Variants in COMMD10 observed in about 807,000 individuals in gnomAD.
COMMD10 encodes the protein COMM domain-containing protein 10.
A neutral mutation model predicts 28.9 loss-of-function variants in COMMD10; 33 were observed. The ratio of observed to expected loss-of-function variants is 1.14; its 90% CI spans 0.87 to 1.53. The LOEUF (loss-of-function observed/expected upper bound fraction) is 1.53, where lower values mean the gene tolerates loss of function less well. COMMD10 is among the 40% of genes most tolerant of loss of function. The pLI is 0.00. For synonymous variants in COMMD10, 110 were observed against 81.7 expected (o/e 1.35, Z -1.87); for missense variants, 310 against 233.4 (o/e 1.33, Z -2.14).
chr5:116,119,143 C>G (rs954312765), intron 4 of COMMD10, among the ~76,000 whole-genome samples: 2 of 152,006 alleles, frequency 1.3e-5, no homozygotes, highest in Non-Finnish European at 2.9e-5. Context: ...TTGATGATTT[C>G]CCTCACTTCC....
chr5:116,151,036 A>G (rs1444357343), intron 5 of COMMD10, among the ~76,000 whole-genome samples: 2 of 150,252 alleles, frequency 1.3e-5, no homozygotes, highest in African/African-American at 4.9e-5. Flanking sequence ...ACGTCCCATC[A>G]ATACCTAATT....
intron 4 of COMMD10, among the ~76,000 whole-genome samples, chr5:116,121,591 C>T (rs554747659): frequency 2.0e-5 from 3 of 152,322 alleles, no homozygotes; most frequent in African/African-American, 7.2e-5. Flanking sequence ...AGTTTACACT[C>T]CCACCAACAG....
intron 4 of COMMD10, among the ~76,000 whole-genome samples, chr5:116,097,633 G>T (rs1257751178): frequency 6.6e-6 from 1 of 152,144 alleles, no homozygotes. Flanking sequence ...TAAATAACCT[G>T]AAATAGGGTA....
chr5:116,289,402 G>C (rs1751305983), intron 5 of COMMD10, among the ~76,000 whole-genome samples: 1 of 151,822 alleles, frequency 6.6e-6, no homozygotes. Flanking sequence ...TGCAGGGGAA[G>C]ACCTTCACTA....
At chr5:116,229,676 T>C (rs1484171187) in intron 5 of COMMD10, among the ~76,000 whole-genome samples, 1 of 152,000 alleles carries the variant, frequency 6.6e-6, no homozygotes, top group Non-Finnish European at 1.5e-5. Context: ...AGAAAACAAA[T>C]TATGACAGTA....
chr5:116,121,865 G>T (rs1056263968), intron 4 of COMMD10, among the ~76,000 whole-genome samples: 3 of 152,096 alleles, frequency 2.0e-5, no homozygotes, highest in Non-Finnish European at 4.4e-5. Context: ...GGAGTTCTTT[G>T]TAGATTCTGG....
intron 5 of COMMD10, among the ~76,000 whole-genome samples, chr5:116,198,844 T>C (rs1370789048): frequency 2.0e-5 from 3 of 152,174 alleles, no homozygotes; most frequent in Non-Finnish European, 4.4e-5. Context: ...CACAGTTTAT[T>C]TATTCATTTA....
chr5:116,151,712 A>G lies in COMMD10; in HGVS notation c.510+17534A>G, dbSNP rs538597787. On this transcript the variant is annotated intron_variant, in intron 5 of 6. Coordinates refer to ENST00000274458, the MANE Select transcript of COMMD10 (RefSeq NM_016144.4). Reference sequence around the variant, plus strand: ...TGGGATCGGTGGTGATATCCCCTTTATCATTTTTGTTGTGTCTATTTGATT... The same window carrying G: ...TGGGATCGGTGGTGATATCCCCTTTGTCATTTTTGTTGTGTCTATTTGATT... Among the ~76,000 whole-genome samples the G allele has an allele frequency of 2.0e-5, 3 of 152,020 alleles. No homozygotes were observed. The South Asian group carries it at 6.3e-4, about 32-fold the overall frequency.
intron 5 of COMMD10, among the ~76,000 whole-genome samples, chr5:116,255,372 T>C (rs1750252810): frequency 6.6e-6 from 1 of 151,728 alleles, no homozygotes; most frequent in Non-Finnish European, 1.5e-5. Context: ...GCTCGTTAGT[T>C]GATGCAGTTT....
At chr5:116,116,261 T>C (rs1017650687) in intron 4 of COMMD10, among the ~76,000 whole-genome samples, 1 of 152,202 alleles carries the variant, frequency 6.6e-6, no homozygotes, top group Non-Finnish European at 1.5e-5. Flanking sequence ...ATCTTTTATA[T>C]GGAGTATAAG....
intron 5 of COMMD10, among the ~76,000 whole-genome samples, chr5:116,268,285 G>A (rs1750655622): frequency 6.6e-6 from 1 of 151,724 alleles, no homozygotes. Flanking sequence ...CAAAAAGTGG[G>A]TGAAGGATAT....
chr5:116,278,895 C>T (rs1165633479), intron 5 of COMMD10, among the ~76,000 whole-genome samples: 1 of 151,752 alleles, frequency 6.6e-6, no homozygotes, highest in Non-Finnish European at 1.5e-5. Context: ...AGACTACTAC[C>T]ATTGGGGTCA....
At position 116,293,145 on chromosome 5, in the gene COMMD10, A is replaced by G; in HGVS notation, c.*656A>G. Reference sequence around the variant, plus strand: ...CTGCAAATTAATAATGATTCACTTTATAGTTTGGGAGACAGAATCAGGTCT... The same window carrying G: ...CTGCAAATTAATAATGATTCACTTTGTAGTTTGGGAGACAGAATCAGGTCT... On this transcript the variant is annotated 3_prime_UTR_variant, in exon 7 of 7. Transcript: ENST00000274458. 1 of 393,842 alleles carries G rather than the reference A, an allele frequency of 2.5e-6. No homozygotes were observed. Among genetic ancestry groups the G allele is most frequent in the Non-Finnish European group, 4.5e-6 (1 of 222,962 alleles). 24.4% of individuals were successfully genotyped at this position (393,842 alleles called of 1,614,324 possible).
intron 4 of COMMD10, among the ~76,000 whole-genome samples, chr5:116,103,604 GT>G (rs1254029032): frequency 6.6e-6 from 1 of 152,146 alleles, no homozygotes; most frequent in Non-Finnish European, 1.5e-5. Flanking sequence ...CTCCCATTCT[GT>G]AGGTTGCCTA....
At chr5:116,233,440 T>G (rs1217029034) in intron 5 of COMMD10, among the ~76,000 whole-genome samples, 3 of 152,182 alleles carry the variant, frequency 2.0e-5, no homozygotes, top group Non-Finnish European at 2.9e-5. Flanking sequence ...AAGGGGGAAC[T>G]ATACATAACA....
intron 5 of COMMD10, among the ~76,000 whole-genome samples, chr5:116,255,158 T>C (rs961259070): frequency 2.6e-5 from 4 of 151,844 alleles, no homozygotes; most frequent in African/African-American, 9.7e-5. Context: ...TTGGTAGATC[T>C]TCCTCCATCC....
intron 5 of COMMD10, among the ~76,000 whole-genome samples, chr5:116,258,250 G>A (rs28558935): frequency 6.6e-6 from 1 of 151,450 alleles, no homozygotes; most frequent in African/African-American, 2.4e-5. Context: ...TTAGAATTTT[G>A]TAGTATATCT....
chr5:116,172,536 CCCTAGGTCGGAAATATTTAAG>C (rs1753369306), intron 5 of COMMD10, among the ~76,000 whole-genome samples: 1 of 152,108 alleles, frequency 6.6e-6, no homozygotes, highest in African/African-American at 2.4e-5. Context: ...CTGTTATCTA[CCCTAGGTCGGAAATATTTAAG>C]TGTTTTTTCT....
chr5:116,135,156 CATCTT>C (rs1751990654), intron 5 of COMMD10, among the ~76,000 whole-genome samples: 1 of 152,016 alleles, frequency 6.6e-6, no homozygotes, highest in Non-Finnish European at 1.5e-5. Context: ...AAGACTATCT[CATCTT>C]AAGACAAAAT....
Sources: allele counts gnomAD v4.1 joint callset (sites outside exome capture counted in the v4.1 genomes callset), GRCh38; gene constraint gnomAD v4.1.1; transcripts MANE v1.5; gene names NCBI Gene and HGNC (gene_info 2026-07-23, HGNC 2026-07-21).